Variants in NR1H2 observed in about 807,000 individuals in gnomAD.
The protein encoded by NR1H2 is nuclear receptor subfamily 1 group H member 2, also known as oxysterols receptor LXR-beta.
Under a neutral mutation model 51.2 loss-of-function variants are expected in NR1H2, and 33 were observed. The observed-to-expected ratio is 0.64, with a 90% CI of 0.49 to 0.86. The LOEUF (loss-of-function observed/expected upper bound fraction) is 0.86, where lower values mean the gene tolerates loss of function less well. NR1H2 is among the 40% of genes least tolerant of loss of function. NR1H2 has a pLI of 0.00. For missense variants in NR1H2, 592 were observed against 639.9 expected (o/e 0.93, Z 0.81); for synonymous variants, 310 against 264.3 (o/e 1.17, Z -1.68).
In NR1H2 at chr19:50,379,132, A is replaced by G; in HGVS notation, c.878A>G (p.Gln293Arg). 1 of 1,613,948 alleles carries G rather than the reference A, an allele frequency of 6.2e-7. No homozygotes were observed. Among genetic ancestry groups the G allele is most frequent in the South Asian group, 1.1e-5 (1 of 91,090 alleles). The change falls in exon 7 of 10, where the codon CAG becomes CGG. Residue 293 changes from glutamine to arginine, a missense_variant. Gln to Arg is a conservative substitution (Grantham distance 43). Transcript: ENST00000253727. ...GCTAAGCAAGTGCCTGGTTTCCTGC[A>G]GCTGGGCCGGGAGGACCAGATCGCC... ...DFAKQVPGFL[Q>R]LGREDQIALL...
At chr19:50,380,312 G>A (rs1171508240) in intron 8 of NR1H2, among the ~76,000 whole-genome samples, 1 of 152,206 alleles carries the variant, frequency 6.6e-6, no homozygotes, top group Non-Finnish European at 1.5e-5. Flanking sequence ...TCACCCAAGG[G>A]AGGCGGGCTG....
intron 6 of NR1H2, 37 bp downstream of exon 6, chr19:50,378,833 C>T (rs1468690772): frequency 1.9e-6 from 3 of 1,598,792 alleles, no homozygotes; most frequent in African/African-American, 2.7e-5. Flanking sequence ...GTGACGGTCC[C>T]AATGGGGTAG....
Position 50,382,107 on chromosome 19 carries a change from G to A in NR1H2, c.1169G>A (p.Arg390His), listed in dbSNP as rs1433141177. The A allele has an allele frequency of 3.9e-6, 6 of 1,546,320 alleles. No individual in the cohort carries two copies. The East Asian group carries it at 7.3e-5, about 19-fold the overall frequency. Residue 390 changes from arginine to histidine, a missense_variant, in exon 9 of 10, where the codon CGC becomes CAC. Arg to His is a conservative substitution (Grantham distance 29, BLOSUM62 0). This residue lies in a region of NR1H2 where 174 missense variants were observed against 174.0 expected (regional missense o/e 1.00). Transcript: ENST00000253727. ...ADRPNVQEPG[R>H]VEALQQPYVE... ...CGGCCCAACGTGCAGGAGCCGGGCC[G>A]CGTGGAGGCGTTGCAGCAGCCCTAC...
At chr19:50,380,064 C>T (rs2037741279) in intron 8 of NR1H2, among the ~76,000 whole-genome samples, 185 bp downstream of exon 8, 1 of 152,220 alleles carries the variant, frequency 6.6e-6, no homozygotes, top group African/African-American at 2.4e-5. Context: ...TAGTCCCAGC[C>T]ACTCGAGGCT....
Position 50,382,627 on chromosome 19 carries a change from C to A in NR1H2, c.*25C>A. 6.6e-7 allele frequency: 1 copy of A among 1,525,764 alleles called. No homozygotes were observed. Among genetic ancestry groups the A allele is most frequent in the Non-Finnish European group, 8.8e-7 (1 of 1,141,442 alleles). The allele number at this position is 1,525,764 out of a possible 1,614,324, so 94.5% of individuals were successfully genotyped here. ...AGGGGCTGGCCACCCAGCCCCACAG[C>A]CTTGCCTGACCACCCTCCAGCAGAT... On this transcript the variant is annotated 3_prime_UTR_variant, in exon 10 of 10. Transcript: ENST00000253727.
chr19:50,381,875 C>A, intron 8 of NR1H2, 91 bp from the exon 9 acceptor site: 1 of 1,137,468 alleles, frequency 8.8e-7, no homozygotes, highest in Non-Finnish European at 1.2e-6. Flanking sequence ...TGCTGTGTTC[C>A]CAGCCCCAGA....
In NR1H2 at chr19:50,379,806, C is replaced by G; in HGVS notation, c.954C>G (p.Arg318=). 6.2e-7 allele frequency: 1 copy of G among 1,614,050 alleles called. No homozygotes were observed. The highest frequency in any genetic ancestry group is 8.5e-7 in the Non-Finnish European group (1 of 1,179,890). ...TCATGCTGCTAGAGACAGCCAGGCG[C>G]TACAACCACGAGACAGAGTGTATCA... The part of the protein sequence containing the change: ...IEIMLLETAR[R]YNHETECITF... Residue 318 remains arginine, a synonymous_variant, in exon 8 of 10, where the codon CGC becomes CGG. Transcript: ENST00000253727.
Position 50,378,238 on chromosome 19 carries a change from G to A in NR1H2, c.271G>A (p.Gly91Arg). 1 of 1,613,542 alleles carries A rather than the reference G, an allele frequency of 6.2e-7. No individual in the cohort carries two copies. Among genetic ancestry groups the A allele is most frequent in the Non-Finnish European group, 8.5e-7 (1 of 1,180,018 alleles). The part of the protein sequence containing the change: ...MLGHELCRVC[G>R]DKASGFHYNV... ...GGGCCACGAGCTTTGCCGTGTCTGT[G>A]GGGACAAGGCCTCCGGCTTCCACTA... The change falls in exon 5 of 10, where the codon GGG becomes AGG. Residue 91 changes from glycine to arginine, a missense_variant. Physicochemically the swap from Gly to Arg is moderately radical, Grantham distance 125. Coordinates refer to ENST00000253727, the MANE Select transcript of NR1H2 (RefSeq NM_007121.7).
chr19:50,377,453 G>A (rs1296111802), intron 2 of NR1H2, 134 bp from the exon 3 acceptor site: 2 of 639,546 alleles, frequency 3.1e-6, no homozygotes, highest in South Asian at 4.3e-5. Flanking sequence ...TAGGCTGGCA[G>A]GAACCAGGGT....
intron 4 of NR1H2, 108 bp downstream of exon 4, chr19:50,377,978 C>T (rs761139670): frequency 2.1e-6 from 3 of 1,453,418 alleles, no homozygotes; most frequent in South Asian, 2.8e-5. Flanking sequence ...TTTGTTCTTG[C>T]TTTCTCCTTA....
At chr19:50,377,515 G>C (rs1027389231) in intron 2 of NR1H2, 72 bp from the exon 3 acceptor site, 13 of 1,213,512 alleles carry the variant, frequency 1.1e-5, no homozygotes, top group Non-Finnish European at 1.5e-5. Context: ...GGAAAGCCCT[G>C]TCAGGACCTG....
chr19:50,382,332 A>G (rs1601145319), intron 9 of NR1H2, 124 bp from the exon 10 acceptor site: 3 of 1,384,984 alleles, frequency 2.2e-6, no homozygotes, highest in African/African-American at 1.4e-5. Context: ...GTCCAAGCAC[A>G]GAGGCGGGCC....
In NR1H2 at chr19:50,377,880, G is replaced by A. The variant is rs1448756672; in HGVS notation, c.181+10G>A. 7 of 1,536,970 alleles carry A rather than the reference G, an allele frequency of 4.6e-6. No homozygotes were observed. The East Asian group carries it at 1.6e-4, about 35-fold the overall frequency. ...TGCAGCACAGACTGGGGTGAGACAG[G>A]GCCCTGGAGTTGATGTGGGGGCTTG... is the stretch of plus-strand genomic sequence containing the variant. On this transcript the variant is annotated intron_variant, in intron 4 of 9. Coordinates refer to ENST00000253727, the MANE Select transcript of NR1H2 (RefSeq NM_007121.7).
rs764763512 is a variant in NR1H2 at position 50,382,079 on chromosome 19, G to A, written c.1141G>A (p.Asp381Asn). The change falls in exon 9 of 10, where the codon GAC (aspartate) becomes AAC (asparagine). Residue 381 changes from aspartate (D) to asparagine (N), a missense_variant. This residue lies in a region of NR1H2 where 174 missense variants were observed against 174.0 expected (regional missense o/e 1.00). Coordinates refer to ENST00000253727, the MANE Select transcript of NR1H2 (RefSeq NM_007121.7). ...CATCGCCATCAACATCTTCTCGGCCGACCGGCCCAACGTGCAGGAGCCGGG... is the reference window on the plus strand; with the variant it reads ...CATCGCCATCAACATCTTCTCGGCCAACCGGCCCAACGTGCAGGAGCCGGG... Reference protein sequence around the residue: ...LLIAINIFSADRPNVQEPGRV... With the variant: ...LLIAINIFSANRPNVQEPGRV... 3.9e-6 allele frequency: 6 copies of A among 1,551,292 alleles called. No individual in the cohort carries two copies. The highest frequency in any genetic ancestry group is 1.4e-5 in the African/African-American group (1 of 73,220).
At chr19:50,382,303 C>T (rs961223181) in intron 9 of NR1H2, 129 bp downstream of exon 9, 18 of 1,336,770 alleles carry the variant, frequency 1.3e-5, no homozygotes, top group African/African-American at 8.8e-5. Context: ...CCACCCTGCT[C>T]GACTGGGAGC....
In NR1H2 at chr19:50,378,504, G is replaced by A. The variant is rs373334411; in HGVS notation, c.473-18G>A. The A allele has an allele frequency of 1.1e-5, 18 of 1,595,018 alleles. No individual in the cohort carries two copies. Among genetic ancestry groups the A allele is most frequent in the Non-Finnish European group, 1.4e-5 (16 of 1,168,378 alleles). ...CGCCTAGCCCTGGGGTTCTGCTGAG[G>A]CCTGCATCCCCCTACAGGCGTCCTT... On this transcript the variant is annotated intron_variant, in intron 5 of 9. Transcript: ENST00000253727.
chr19:50,382,272 C>T (rs1003373045), intron 9 of NR1H2, 98 bp downstream of exon 9: 263 of 1,353,504 alleles, frequency 1.9e-4, no homozygotes, highest in East Asian at 4.0e-4. Flanking sequence ...CCCTCCCCTC[C>T]GCAGAGTCTT....
rs1192878746 is a variant in NR1H2 at position 50,378,700 on chromosome 19, C to T, written c.651C>T (p.Val217=). 4 of 1,613,784 alleles carry T rather than the reference C, an allele frequency of 2.5e-6. No homozygotes were observed. The highest frequency in any genetic ancestry group is 3.4e-6 in the Non-Finnish European group (4 of 1,180,026). The change falls in exon 6 of 10, where the codon GTC becomes GTT. Residue 217 remains valine, a synonymous_variant. Transcript: ENST00000253727. The stretch of plus-strand genomic sequence containing the variant: ...AGGGCTCCGGGGAAGGCGAGGGTGT[C>T]CAGCTAACAGCGGCTCAAGAACTAA... ...GSQGSGEGEG[V]QLTAAQELMI...
rs376163187 is a variant in NR1H2, at chr19:50,377,622, C to G, written c.17C>G (p.Thr6Arg). 3 of 1,613,896 alleles carry G rather than the reference C, an allele frequency of 1.9e-6. No homozygotes were observed. Among genetic ancestry groups the G allele is most frequent in the East Asian group, 4.5e-5 (2 of 44,876 alleles). MSSPTTSSLDTPLPGN... is the reference protein window; with the variant it reads MSSPTRSSLDTPLPGN... ...GACCCCACCATGTCCTCTCCTACCA[C>G]GAGTTCCCTGGATACCCCCCTGCCT... Residue 6 changes from threonine (T) to arginine (R), a missense_variant, in exon 3 of 10, where the codon ACG (threonine) becomes AGG (arginine). Thr to Arg is a moderately conservative substitution (Grantham distance 71, BLOSUM62 -1). Around this residue, in one of 3 missense-constraint regions of NR1H2, gnomAD observed 316 missense variants for 313.4 expected, o/e 1.01. Transcript: ENST00000253727.
Sources: allele counts gnomAD v4.1 joint callset (sites outside exome capture counted in the v4.1 genomes callset), GRCh38; gene constraint gnomAD v4.1.1; regional missense constraint gnomAD v4.1.1; transcripts MANE v1.5; gene names NCBI Gene and HGNC (gene_info 2026-07-23, HGNC 2026-07-21).